ARL15: variants seen among roughly 807,000 people sequenced by gnomAD.
The protein encoded by ARL15 is ARF like GTPase 15, also known as ADP-ribosylation factor-like protein 15.
ARL15 carries 19 observed loss-of-function variants against 25.2 expected under a neutral mutation model. The ratio of observed to expected loss-of-function variants is 0.75; its 90% CI spans 0.53 to 1.10. The LOEUF is 1.10. Among genes scored for constraint, ARL15 ranks in the 50% least tolerant of loss-of-function variants. The probability of loss-of-function intolerance (pLI) is 0.00; values close to 1 mark genes in which losing one functional copy is unlikely to be tolerated. For synonymous variants in ARL15, 94 were observed against 86.8 expected (o/e 1.08, Z -0.46); for missense variants, 220 against 246.0 (o/e 0.89, Z 0.71).
At chr5:54,142,505 T>C (rs1471982413) in intron 3 of ARL15, among the ~76,000 whole-genome samples, 2 of 152,090 alleles carry the variant, frequency 1.3e-5, no homozygotes, top group Non-Finnish European at 2.9e-5. Flanking sequence ...AGGACCAAAC[T>C]GAGCCACGAG....
chr5:54,246,587 C>T (rs1757090139), intron 1 of ARL15, among the ~76,000 whole-genome samples: 1 of 152,074 alleles, frequency 6.6e-6, no homozygotes, highest in Admixed American at 6.6e-5. Flanking sequence ...TCTACCTCAC[C>T]ACTCCTTCAT....
At chr5:54,300,862 C>T (rs1266346687) in intron 1 of ARL15, among the ~76,000 whole-genome samples, 1 of 152,210 alleles carries the variant, frequency 6.6e-6, no homozygotes, top group East Asian at 1.9e-4. Flanking sequence ...TGCAGGCAAA[C>T]TTTCAGAGTT....
chr5:54,192,377 T>C (rs775155590), intron 1 of ARL15, among the ~76,000 whole-genome samples: 14 of 152,092 alleles, frequency 9.2e-5, no homozygotes, highest in Non-Finnish European at 1.5e-4. Context: ...TAATTTACTA[T>C]TTATTTGTTT....
At chr5:53,976,511 G>A (rs1015306150) in intron 4 of ARL15, among the ~76,000 whole-genome samples, 11 of 152,318 alleles carry the variant, frequency 7.2e-5, no homozygotes, top group African/African-American at 2.6e-4. Flanking sequence ...GCAGGGGACT[G>A]AGATGAGTAG....
intron 3 of ARL15, among the ~76,000 whole-genome samples, chr5:54,132,765 A>G (rs923245639): frequency 2.6e-5 from 4 of 152,244 alleles, no homozygotes; most frequent in Non-Finnish European, 5.9e-5. Context: ...GGCATTTGTA[A>G]ACTGTCATGG....
Position 54,127,314 on chromosome 5 carries a change from G to C in ARL15, c.254-13904C>G, listed in dbSNP as rs553135211. On this transcript the variant is annotated intron_variant, in intron 3 of 4. Transcript: ENST00000504924. Reference sequence around the variant, plus strand: ...CTCCTTAAGCTGATAAGCAACTTCAGCAAAGTCTCAGGATACAAAACCAAT... The same window carrying C: ...CTCCTTAAGCTGATAAGCAACTTCACCAAAGTCTCAGGATACAAAACCAAT... Among the ~76,000 whole-genome samples, 253 of 152,238 alleles carry C rather than the reference G, an allele frequency of 1.7e-3. 3 individuals carry two copies. The highest frequency in any genetic ancestry group is 8.1e-3 in the South Asian group (39 of 4,824).
chr5:54,051,875 A>G (rs1255397491), intron 4 of ARL15, among the ~76,000 whole-genome samples: 2 of 152,238 alleles, frequency 1.3e-5, no homozygotes, highest in Non-Finnish European at 2.9e-5. Flanking sequence ...GCTACAAAAA[A>G]CTAGAAGCAA....
intron 2 of ARL15, among the ~76,000 whole-genome samples, chr5:54,161,544 A>C (rs1754401577): frequency 6.6e-6 from 1 of 152,202 alleles, no homozygotes; most frequent in Admixed American, 6.5e-5. Flanking sequence ...TAGTAAAGTT[A>C]AACTTCTGGT....
intron 1 of ARL15, among the ~76,000 whole-genome samples, chr5:54,268,842 T>G (rs1185940452): frequency 6.6e-6 from 1 of 152,172 alleles, no homozygotes; most frequent in East Asian, 1.9e-4. Context: ...CGATGATATA[T>G]TGGATTAAGA....
intron 1 of ARL15, among the ~76,000 whole-genome samples, chr5:54,214,931 T>C (rs1046957388): frequency 1.1e-4 from 17 of 152,066 alleles, no homozygotes; most frequent in African/African-American, 4.1e-4. Context: ...CAAAAGGTTA[T>C]TCCCACCGCG....
intron 1 of ARL15, among the ~76,000 whole-genome samples, chr5:54,278,342 G>T (rs921405823): frequency 4.6e-5 from 7 of 152,240 alleles, no homozygotes; most frequent in African/African-American, 1.4e-4. Flanking sequence ...TCACTGCCAG[G>T]ATTTCATAAA....
chr5:54,297,129 G>A (rs1758484016), intron 1 of ARL15, among the ~76,000 whole-genome samples: 2 of 152,214 alleles, frequency 1.3e-5, no homozygotes, highest in South Asian at 2.1e-4. Context: ...TACTGGATTC[G>A]TAAGACTCTC....
intron 4 of ARL15, among the ~76,000 whole-genome samples, chr5:53,982,220 T>C (rs1223229020): frequency 4.0e-5 from 6 of 151,444 alleles, no homozygotes; most frequent in African/African-American, 7.3e-5. Flanking sequence ...CTGGGATACA[T>C]ACATGTGCAG....
chr5:54,284,761 T>C (rs1758145015), intron 1 of ARL15, among the ~76,000 whole-genome samples: 1 of 152,206 alleles, frequency 6.6e-6, no homozygotes, highest in Non-Finnish European at 1.5e-5. Flanking sequence ...TCCTTACAAA[T>C]ACTGCCTTAT....
At chr5:54,209,085 T>C (rs1755959270) in intron 1 of ARL15, among the ~76,000 whole-genome samples, 2 of 152,158 alleles carry the variant, frequency 1.3e-5, no homozygotes, top group South Asian at 2.1e-4. Flanking sequence ...ATGACAGCAA[T>C]GAATGGCATT....
chr5:54,177,363 G>T (rs1754907873), intron 1 of ARL15, among the ~76,000 whole-genome samples: 1 of 152,124 alleles, frequency 6.6e-6, no homozygotes, highest in African/African-American at 2.4e-5. Context: ...TGAAATAATG[G>T]ATTAGCTTGA....
intron 4 of ARL15, among the ~76,000 whole-genome samples, chr5:54,104,408 A>T (rs530084110): frequency 1.3e-5 from 2 of 152,246 alleles, no homozygotes; most frequent in Non-Finnish European, 2.9e-5. Context: ...AAAATGTTTC[A>T]ATATTTCCTT....
At chr5:54,169,041 C>CA (rs1447527531) in intron 2 of ARL15, among the ~76,000 whole-genome samples, 1 of 151,974 alleles carries the variant, frequency 6.6e-6, no homozygotes, top group Admixed American at 6.6e-5. Flanking sequence ...GCTTGATATC[C>CA]AAAAAATTAG....
At chr5:53,987,794 A>T (rs963244358) in intron 4 of ARL15, among the ~76,000 whole-genome samples, 9 of 152,272 alleles carry the variant, frequency 5.9e-5, no homozygotes, top group East Asian at 5.8e-4. Context: ...CTACAAAAAT[A>T]AAAATTAAAA....
Sources: allele counts gnomAD v4.1 joint callset (sites outside exome capture counted in the v4.1 genomes callset), GRCh38; gene constraint gnomAD v4.1.1; transcripts MANE v1.5; gene names NCBI Gene and HGNC (gene_info 2026-07-23, HGNC 2026-07-21).